Variants in IRAK2 observed in about 807,000 individuals in gnomAD.
IRAK2 encodes the protein interleukin 1 receptor associated kinase 2.
A neutral mutation model predicts 72.0 loss-of-function variants in IRAK2; 57 were observed. That is an observed-to-expected ratio of 0.79 (90% confidence interval 0.64 to 0.99). IRAK2 has a LOEUF of 0.99. Among genes scored for constraint, IRAK2 ranks in the 50% least tolerant of loss-of-function variants. The pLI is 0.00. For synonymous variants in IRAK2, 293 were observed against 312.7 expected (o/e 0.94, Z 0.67); for missense variants, 790 against 794.4 (o/e 0.99, Z 0.07).
chr3:10,194,245 C>T (rs1469950518), intron 2 of IRAK2, among the ~76,000 whole-genome samples: 1 of 150,774 alleles, frequency 6.6e-6, no homozygotes, highest in African/African-American at 2.5e-5. Context: ...TGGCTCAAGC[C>T]AGAGCCGACG....
chr3:10,201,228 T>A (rs539582617), intron 3 of IRAK2, among the ~76,000 whole-genome samples: 6 of 152,340 alleles, frequency 3.9e-5, no homozygotes, highest in African/African-American at 1.4e-4. Context: ...ATTTCATGGA[T>A]GAGAAAACTA....
chr3:10,173,608 G>T (rs1696829652), intron 1 of IRAK2, among the ~76,000 whole-genome samples: 1 of 152,140 alleles, frequency 6.6e-6, no homozygotes, highest in African/African-American at 2.4e-5. Context: ...GATCACTTGA[G>T]CTCAGGAGTT....
chr3:10,203,035 C>A (rs891230717), intron 3 of IRAK2, among the ~76,000 whole-genome samples: 3 of 151,560 alleles, frequency 2.0e-5, no homozygotes, highest in Admixed American at 6.6e-5. Context: ...GAATCTCTGT[C>A]ACCCAGGCTA....
chr3:10,217,741 C>T (rs990661955), intron 7 of IRAK2, among the ~76,000 whole-genome samples: 10 of 152,138 alleles, frequency 6.6e-5, no homozygotes, highest in South Asian at 2.1e-4. Context: ...CTTATCTTAT[C>T]CTCAAATAGA....
At chr3:10,230,398 C>T (rs1434119474) in intron 10 of IRAK2, among the ~76,000 whole-genome samples, 1 of 152,022 alleles carries the variant, frequency 6.6e-6, no homozygotes, top group Non-Finnish European at 1.5e-5. Context: ...TCATAGCTCA[C>T]TGTCACCTCG....
chr3:10,178,002 GC>G lies in IRAK2; in HGVS notation c.262del (p.Gln88ArgfsTer4). 1 of 1,610,276 alleles carries G rather than the reference GC, an allele frequency of 6.2e-7. No individual in the cohort carries two copies. The highest frequency in any genetic ancestry group is 8.5e-7 in the Non-Finnish European group (1 of 1,178,360). On this transcript the variant is annotated frameshift_variant, in exon 2 of 13. Transcript: ENST00000256458. LOFTEE classifies it high-confidence loss of function. ...GTGCCGCCTGGAGCTCTACCGGGCT[GC>G]CCAGATCATCCTGAACTGTGAGTAA... ...LLCRLELYRAAQIILNWKPAP... is the reference protein window; with the variant it reads ...LLCRLELYRAXQIILNWKPAP...
chr3:10,199,598 T>C lies in IRAK2; in HGVS notation c.278-771T>C, dbSNP rs75822827. On this transcript the variant is annotated intron_variant, in intron 2 of 12. Coordinates refer to ENST00000256458, the MANE Select transcript of IRAK2 (RefSeq NM_001570.4). The stretch of plus-strand genomic sequence containing the variant: ...AGCCAGAACTTTGATCCCTAGGGGC[T>C]GGAGTGGGAGCTTAGAGGGATGGTG... 3.3e-5 allele frequency among the ~76,000 whole-genome samples: 5 copies of C among 152,290 alleles called. No homozygotes were observed. The East Asian group carries it at 9.7e-4, about 29-fold the overall frequency.
intron 2 of IRAK2, among the ~76,000 whole-genome samples, chr3:10,180,316 G>A (rs1696941341): frequency 6.6e-6 from 1 of 152,158 alleles, no homozygotes; most frequent in Non-Finnish European, 1.5e-5. Context: ...CAGGCAATGT[G>A]ACAGGTCCTC....
chr3:10,210,432 T>C (rs1697500365), intron 4 of IRAK2, among the ~76,000 whole-genome samples: 1 of 152,192 alleles, frequency 6.6e-6, no homozygotes. Context: ...CAAGCAGGAT[T>C]AAAAATGAGG....
At chr3:10,196,207 C>G (rs533578597) in intron 2 of IRAK2, among the ~76,000 whole-genome samples, 2 of 152,344 alleles carry the variant, frequency 1.3e-5, no homozygotes, top group African/African-American at 4.8e-5. Flanking sequence ...CTCCGCCTCC[C>G]AGGTTCAAGC....
chr3:10,221,207 A>G (rs1283229052), intron 8 of IRAK2, among the ~76,000 whole-genome samples: 2 of 145,528 alleles, frequency 1.4e-5, no homozygotes, highest in Non-Finnish European at 3.0e-5. Flanking sequence ...CCTGGCTAAC[A>G]CGGTGAAACC....
At chr3:10,212,763 C>CTTT (rs543464447) in intron 4 of IRAK2, among the ~76,000 whole-genome samples, 45 of 125,960 alleles carry the variant, frequency 3.6e-4, no homozygotes, top group African/African-American at 1.1e-3. Flanking sequence ...TATCCATGTC[C>CTTT]TTTTTTTTTT....
intron 3 of IRAK2, among the ~76,000 whole-genome samples, chr3:10,203,490 G>C (rs757660343): frequency 2.0e-5 from 3 of 152,180 alleles, no homozygotes; most frequent in Non-Finnish European, 4.4e-5. Context: ...CTGAGCCCCA[G>C]AGTTCAAACT....
rs375371662 is a variant in IRAK2 at position 10,216,950 on chromosome 3, G to A, written c.805G>A (p.Val269Ile). ...CGATTCCAGATGCTGCCACCCCAATGTCTTACCTGTGCTGGGCTTCTGTGC... is the reference window on the plus strand; with the variant it reads ...CGATTCCAGATGCTGCCACCCCAATATCTTACCTGTGCTGGGCTTCTGTGC... ...QICLRCCHPNVLPVLGFCAAR... is the reference protein window; with the variant it reads ...QICLRCCHPNILPVLGFCAAR... The change falls in exon 7 of 13, where the codon GTC (valine) becomes ATC (isoleucine). Residue 269 changes from valine to isoleucine, a missense_variant. Physicochemically the swap from Val to Ile is conservative, Grantham distance 29. Coordinates refer to ENST00000256458, the MANE Select transcript of IRAK2 (RefSeq NM_001570.4). 6.2e-7 allele frequency: 1 copy of A among 1,614,062 alleles called. No homozygotes were observed. Among genetic ancestry groups the A allele is most frequent in the East Asian group, 2.2e-5 (1 of 44,890 alleles).
chr3:10,187,566 G>A (rs749936053), intron 2 of IRAK2, among the ~76,000 whole-genome samples: 28 of 152,286 alleles, frequency 1.8e-4, no homozygotes, highest in Non-Finnish European at 3.7e-4. Flanking sequence ...ATACCCTGCT[G>A]CAAACAAAAG....
At chr3:10,185,003 T>G (rs1396390954) in intron 2 of IRAK2, among the ~76,000 whole-genome samples, 1 of 150,488 alleles carries the variant, frequency 6.6e-6, no homozygotes, top group Non-Finnish European at 1.5e-5. Context: ...AGTGCTGGGA[T>G]TACAGGCGTG....
At position 10,214,227 on chromosome 3, in the gene IRAK2, CT is replaced by C. The variant is rs576627160; in HGVS notation, c.788+687del. 5.9e-5 allele frequency among the ~76,000 whole-genome samples: 9 copies of C among 151,570 alleles called. No individual in the cohort carries two copies. In the South Asian group the frequency reaches 1.9e-3, roughly 32 times the overall value. Reference sequence around the variant, plus strand: ...TACAGGCGTGAGCCACCGTGCCTGACTTTTTTTTCTTTTTTAAGAGCTAGGG... The same window carrying C: ...TACAGGCGTGAGCCACCGTGCCTGACTTTTTTTCTTTTTTAAGAGCTAGGG... On this transcript the variant is annotated intron_variant, in intron 6 of 12. Coordinates refer to ENST00000256458, the MANE Select transcript of IRAK2 (RefSeq NM_001570.4).
At chr3:10,201,143 C>T (rs1209246090) in intron 3 of IRAK2, among the ~76,000 whole-genome samples, 2 of 152,190 alleles carry the variant, frequency 1.3e-5, no homozygotes, top group Non-Finnish European at 2.9e-5. Flanking sequence ...AGACACTATT[C>T]CAAGTACTGT....
intron 2 of IRAK2, among the ~76,000 whole-genome samples, chr3:10,184,781 G>C (rs1697022296): frequency 1.4e-5 from 2 of 144,154 alleles, no homozygotes; most frequent in South Asian, 2.2e-4. Flanking sequence ...CCAGGCTGGA[G>C]TGCAGTGGCG....
Sources: gnomAD v4.1 joint callset for allele counts (sites outside exome capture counted in the v4.1 genomes callset) on GRCh38, gnomAD v4.1.1 for gene constraint, MANE v1.5 for transcripts, NCBI Gene and HGNC (gene_info 2026-07-23, HGNC 2026-07-21) for gene names.